The following CAPN7 variants were observed in gnomAD, a reference collection of about 807,000 sequenced individuals.
CAPN7 encodes the protein calpain 7.
In CAPN7, 72 loss-of-function variants were observed where a neutral mutation model predicts 115.2. The ratio of observed to expected loss-of-function variants is 0.63; its 90% confidence interval spans 0.52 to 0.76. The LOEUF is 0.76. CAPN7 is among the 30% of genes least tolerant of loss of function. The pLI is 0.00. For missense variants in CAPN7, 905 were observed against 971.5 expected (o/e 0.93, Z 0.91); for synonymous variants, 344 against 322.3 (o/e 1.07, Z -0.72).
chr3:15,228,685 C>G (rs533185056), intron 7 of CAPN7, among the ~76,000 whole-genome samples: 2 of 152,232 alleles, frequency 1.3e-5, no homozygotes, highest in Non-Finnish European at 2.9e-5. Flanking sequence ...AAAGGAACAG[C>G]AGACACTGGG....
Position 15,251,219 on chromosome 3 carries a change from T to A in CAPN7, c.2401T>A (p.Phe801Ile). The A allele has an allele frequency of 1.9e-6, 3 of 1,610,686 alleles. No individual in the cohort carries two copies. Among genetic ancestry groups the A allele is most frequent in the Non-Finnish European group, 2.5e-6 (3 of 1,178,704 alleles). ...ACAAGAAGGACCTTTTTTCTTGGAC[T>A]TTAATAGTATTATCCCCATCAAGAT... is the stretch of plus-strand genomic sequence containing the variant. ...PKQEGPFFLDFNSIIPIKITQ... is the reference protein window; with the variant it reads ...PKQEGPFFLDINSIIPIKITQ... The change falls in exon 21 of 21, where the codon TTT becomes ATT. Residue 801 changes from phenylalanine to isoleucine, a missense_variant. By Grantham distance (21) the Phe-to-Ile change is conservative. Transcript: ENST00000253693.
At chr3:15,242,422 G>C (rs890361594) in intron 16 of CAPN7, among the ~76,000 whole-genome samples, 169 bp downstream of exon 16, 3 of 152,102 alleles carry the variant, frequency 2.0e-5, no homozygotes, top group Non-Finnish European at 2.9e-5. Flanking sequence ...TCTGTGTTTT[G>C]TTTTGATTTG....
chr3:15,222,542 T>A (rs1247498697), intron 5 of CAPN7, among the ~76,000 whole-genome samples: 1 of 152,180 alleles, frequency 6.6e-6, no homozygotes, highest in East Asian at 1.9e-4. Flanking sequence ...AGATTGTAAT[T>A]GTACTCCTGC....
At position 15,220,878 on chromosome 3, in the gene CAPN7, C is replaced by A. The variant is rs1278281138; in HGVS notation, c.535C>A (p.Leu179Met). 1 of 1,614,220 alleles carries A rather than the reference C, an allele frequency of 6.2e-7. No individual in the cohort carries two copies. ...ACCTCCAGTGAGAGCACATTTTCCA[C>A]TGGGCGCTAATCCCTTCCTTGAAAG... Reference protein sequence around the residue: ...KPPPVRAHFPLGANPFLERPQ... With the variant: ...KPPPVRAHFPMGANPFLERPQ... Residue 179 changes from leucine (L) to methionine (M), a missense_variant, in exon 5 of 21, where the codon CTG becomes ATG. Physicochemically the swap from Leu to Met is conservative, Grantham distance 15 (BLOSUM62 2). This residue lies in a region of CAPN7 where 271 missense variants were observed against 239.6 expected (regional missense o/e 1.13). Coordinates refer to ENST00000253693, the MANE Select transcript of CAPN7 (RefSeq NM_014296.3).
rs1329775841 is a variant in CAPN7 at position 15,247,419 on chromosome 3, A to G, written c.2166A>G (p.Glu722=). The G allele has an allele frequency of 1.4e-5, 23 of 1,610,300 alleles. No homozygotes were observed. The highest frequency in any genetic ancestry group is 2.0e-5 in the Non-Finnish European group (23 of 1,178,660). ...ACCCCATCTACCAATTCCATATAGA[A>G]AAGACTGGGCCGTTACTGATTGAGC... is the stretch of plus-strand genomic sequence containing the variant. ...KNNPIYQFHI[E]KTGPLLIELR... The change falls in exon 19 of 21, where the codon GAA becomes GAG. Residue 722 remains glutamate (E), a synonymous_variant. Coordinates refer to ENST00000253693, the MANE Select transcript of CAPN7 (RefSeq NM_014296.3).
At position 15,246,770 on chromosome 3, in the gene CAPN7, T is replaced by G. The variant is rs779076349; in HGVS notation, c.2049T>G (p.Pro683=). The G allele has an allele frequency of 6.2e-7, 1 of 1,609,264 alleles. No homozygotes were observed. ...SACSFTFSKI[P]SPYTLSKRIN... ...GCAGCTTTACTTTTTCAAAGATTCC[T>G]TCACCATACACCTTATCAAAACGGG... The change falls in exon 18 of 21, where the codon CCT becomes CCG. Residue 683 remains proline (P), a synonymous_variant. Coordinates refer to ENST00000253693, the MANE Select transcript of CAPN7 (RefSeq NM_014296.3).
intron 2 of CAPN7, among the ~76,000 whole-genome samples, chr3:15,216,354 G>A (rs1473817773): frequency 6.6e-6 from 1 of 152,162 alleles, no homozygotes; most frequent in Non-Finnish European, 1.5e-5. Context: ...TCATCTCATT[G>A]TGGTTGTGTT....
chr3:15,211,442 A>G (rs1047325807), intron 1 of CAPN7, among the ~76,000 whole-genome samples: 19 of 152,280 alleles, frequency 1.2e-4, no homozygotes, highest in African/African-American at 4.3e-4. Context: ...TAAATTTTCA[A>G]TGATATGTTA....
intron 2 of CAPN7, among the ~76,000 whole-genome samples, chr3:15,215,893 C>G (rs2045222369): frequency 6.6e-6 from 1 of 152,140 alleles, no homozygotes; most frequent in Non-Finnish European, 1.5e-5. Context: ...TGAGACTAGC[C>G]TGGCCAACAG....
chr3:15,247,193 A>G (rs1695712407), intron 18 of CAPN7, 134 bp from the exon 19 acceptor site: 1 of 643,370 alleles, frequency 1.6e-6, no homozygotes, highest in Admixed American at 3.5e-5. Context: ...GCAGCAAATA[A>G]AGATGGGAGA....
chr3:15,233,620 A>G (rs187888432), intron 10 of CAPN7, among the ~76,000 whole-genome samples: 91 of 152,332 alleles, frequency 6.0e-4, no homozygotes, highest in African/African-American at 2.1e-3. Context: ...TCTTTTTATC[A>G]TATTCACCTG....
intron 1 of CAPN7, among the ~76,000 whole-genome samples, chr3:15,208,530 A>G (rs770345875): frequency 3.2e-4 from 48 of 149,390 alleles, no homozygotes; most frequent in Non-Finnish European, 1.2e-4. Context: ...CTCCTGGGTC[A>G]AGCGATCTTC....
chr3:15,241,613 C>T, intron 15 of CAPN7, 25 bp downstream of exon 15: 1 of 1,594,998 alleles, frequency 6.3e-7, no homozygotes, highest in South Asian at 1.1e-5. Flanking sequence ...CTAATGATAT[C>T]CCATACAGAA....
chr3:15,232,155 TC>T, intron 9 of CAPN7: 1 of 405,712 alleles, frequency 2.5e-6, no homozygotes, highest in South Asian at 1.9e-5. Context: ...TCCAAAACAC[TC>T]CAGTAAGTAT....
At chr3:15,210,555 T>C (rs1346450052) in intron 1 of CAPN7, among the ~76,000 whole-genome samples, 1 of 151,902 alleles carries the variant, frequency 6.6e-6, no homozygotes, top group African/African-American at 2.4e-5. Flanking sequence ...ATTTTCATTG[T>C]AGTCAAAACT....
intron 1 of CAPN7, among the ~76,000 whole-genome samples, chr3:15,211,754 G>T (rs1167633554): frequency 6.6e-6 from 1 of 152,046 alleles, no homozygotes; most frequent in Non-Finnish European, 1.5e-5. Flanking sequence ...AATTAACCAG[G>T]TATGGTGGTG....
At chr3:15,239,650 G>T (rs1695224100) in intron 12 of CAPN7, among the ~76,000 whole-genome samples, 1 of 152,098 alleles carries the variant, frequency 6.6e-6, no homozygotes, top group African/African-American at 2.4e-5. Flanking sequence ...GTAATTAAAA[G>T]AAAGAAATTA....
At chr3:15,215,404 C>T (rs2045193666) in intron 2 of CAPN7, among the ~76,000 whole-genome samples, 1 of 152,194 alleles carries the variant, frequency 6.6e-6, no homozygotes, top group African/African-American at 2.4e-5. Flanking sequence ...TGTTTTTAGC[C>T]TATTCCCAGA....
chr3:15,234,427 T>A (rs1320640474), intron 11 of CAPN7, among the ~76,000 whole-genome samples: 1 of 152,164 alleles, frequency 6.6e-6, no homozygotes, highest in Non-Finnish European at 1.5e-5. Flanking sequence ...TAAAATAGAC[T>A]TCACATTATG....
Sources: gnomAD v4.1 joint callset for allele counts (sites outside exome capture counted in the v4.1 genomes callset) on GRCh38, gnomAD v4.1.1 for gene constraint, gnomAD v4.1.1 regional missense constraint, MANE v1.5 for transcripts, NCBI Gene and HGNC (gene_info 2026-07-23, HGNC 2026-07-21) for gene names.